ZNF658: variants seen among roughly 807,000 people sequenced by gnomAD.
ZNF658 encodes zinc finger protein 658.
A neutral mutation model predicts 78.0 loss-of-function variants in ZNF658; 46 were observed. The observed-to-expected ratio is 0.59, with a 90% confidence interval of 0.47 to 0.75. The LOEUF (loss-of-function observed/expected upper bound fraction) is 0.75, where lower values mean the gene tolerates loss of function less well. ZNF658 is among the 30% of genes least tolerant of loss of function. The pLI, the probability that ZNF658 is intolerant of heterozygous loss-of-function variation, is 0.00. For synonymous variants in ZNF658, 279 were observed against 408.4 expected (o/e 0.68, Z 3.82); for missense variants, 785 against 1,189.3 (o/e 0.66, Z 5.00).
rs1182852504 is a variant in ZNF658, at chr9:66,921,420, G to A, written c.*674G>A. 9.3e-5 allele frequency: 14 copies of A among 150,812 alleles called. 1 individual carries two copies. The South Asian group carries it at 2.7e-3, about 29-fold the overall frequency. 9.3% of individuals were successfully genotyped at this position (150,812 alleles called of 1,614,324 possible). ...CAATTATAATAAAATTTCATATTTT[G>A]AATAAATGACATTTTTCCTAGGTAT... On this transcript the variant is annotated 3_prime_UTR_variant, in exon 5 of 5. Transcript: ENST00000621410.
rs1338401185 is a variant in ZNF658 at position 66,918,107 on chromosome 9, A to G, written c.541A>G (p.Lys181Glu). ...EKLQLDIKHE[K>E]AHAEEKSYEH... ...ACTGCAGCTTGATATTAAGCATGAG[A>G]AAGCTCATGCTGAAGAGAAATCTTA... Residue 181 changes from lysine to glutamate, a missense_variant, in exon 5 of 5, where the codon AAA becomes GAA. Around this residue, in one of 12 missense-constraint regions of ZNF658, gnomAD observed 393 missense variants for 400.2 expected, o/e 0.98. Coordinates refer to ENST00000621410, the MANE Select transcript of ZNF658 (RefSeq NM_033160.7). 3.1e-6 allele frequency: 5 copies of G among 1,590,500 alleles called. No individual in the cohort carries two copies. Among genetic ancestry groups the G allele is most frequent in the Non-Finnish European group, 3.4e-6 (4 of 1,171,928 alleles).
chr9:66,908,441 T>A (rs1822133175), intron 3 of ZNF658, 77 bp downstream of exon 3: 1 of 1,598,660 alleles, frequency 6.3e-7, no homozygotes, highest in East Asian at 2.2e-5. Context: ...ATGGACCCTT[T>A]ATAGAGATTA....
downstream of ZNF658, among the ~76,000 whole-genome samples, chr9:66,924,066 A>G (rs4276729): frequency 0.98 from 140,731 of 144,002 alleles, 68,813 homozygotes; most frequent in Middle Eastern, 1. Flanking sequence ...CAGGAGAATC[A>G]CTTGAACCTG....
rs1458656911 is a variant in ZNF658 at position 66,915,193 on chromosome 9, C to T, written c.239-2612C>T. On this transcript the variant is annotated intron_variant, in intron 4 of 4. Transcript: ENST00000621410. Reference sequence around the variant, plus strand: ...TAAATTAGACATTCAGTTAACATATCCTCCATCATAATGAAGTAAGTTAAT... The same window carrying T: ...TAAATTAGACATTCAGTTAACATATTCTCCATCATAATGAAGTAAGTTAAT... Among the ~76,000 whole-genome samples, 13 of 152,084 alleles carry T rather than the reference C, an allele frequency of 8.5e-5. No homozygotes were observed. In the East Asian group the frequency reaches 2.1e-3, roughly 25 times the overall value.
rs552813533 is a variant in ZNF658 at position 66,917,728 on chromosome 9, A to T, written c.239-77A>T. ...ACCCTATTTCAAAAACCAAAACCAA[A>T]ATCAAAATATGAGTATAAGTTCTTC... On this transcript the variant is annotated intron_variant, in intron 4 of 4. Transcript: ENST00000621410. 3.1e-4 allele frequency: 450 copies of T among 1,465,838 alleles called. 1 individual carries two copies. In the East Asian group the frequency reaches 8.7e-3, roughly 28 times the overall value. The allele number at this position is 1,465,838 out of a possible 1,614,324, so 90.8% of individuals were successfully genotyped here.
Position 66,918,335 on chromosome 9 carries a change from T to G in ZNF658, c.769T>G (p.Leu257Val). Residue 257 changes from leucine (L) to valine (V), a missense_variant, in exon 5 of 5, where the codon TTA (leucine) becomes GTA (valine). Leu to Val is a conservative substitution (Grantham distance 32, BLOSUM62 1). Coordinates refer to ENST00000621410, the MANE Select transcript of ZNF658 (RefSeq NM_033160.7). Reference protein sequence around the residue: ...EFRKNFDKITLFNHMRTDTRG... With the variant: ...EFRKNFDKITVFNHMRTDTRG... ...TAGAAAAAACTTTGATAAAATCACT[T>G]TATTTAACCACATGAGAACTGACAC... 1 of 1,613,910 alleles carries G rather than the reference T, an allele frequency of 6.2e-7. No homozygotes were observed. Among genetic ancestry groups the G allele is most frequent in the Non-Finnish European group, 8.5e-7 (1 of 1,179,840 alleles).
At chr9:66,903,658 T>G (rs1027064579) in intron 2 of ZNF658, 82 bp downstream of exon 2, 1 of 1,125,322 alleles carries the variant, frequency 8.9e-7, no homozygotes, top group African/African-American at 1.6e-5. Context: ...CATGGAAAAG[T>G]AGAAATAGAG....
chr9:66,901,685 C>T, intron 1 of ZNF658, among the ~76,000 whole-genome samples: 1 of 152,250 alleles, frequency 6.6e-6, no homozygotes, highest in African/African-American at 2.4e-5. Context: ...TGGCTCATGC[C>T]TGTAATCCCA....
At chr9:66,901,246 C>A (rs1488817420) in intron 1 of ZNF658, among the ~76,000 whole-genome samples, 1 of 152,238 alleles carries the variant, frequency 6.6e-6, no homozygotes, top group Non-Finnish European at 1.5e-5. Flanking sequence ...ACAACGACCT[C>A]TTTGGTATAA....
Position 66,917,728 on chromosome 9 carries a change from A to G in ZNF658, c.239-77A>G, listed in dbSNP as rs552813533. 4.1e-6 allele frequency: 6 copies of G among 1,465,744 alleles called. No individual in the cohort carries two copies. The Admixed American group carries it at 1.0e-4, about 26-fold the overall frequency. The allele number at this position is 1,465,744 out of a possible 1,614,324, so 90.8% of individuals were successfully genotyped here. A position where few individuals can be genotyped will look rare whatever the true frequency, so the allele number is the denominator to read the frequency against. ...ACCCTATTTCAAAAACCAAAACCAAAATCAAAATATGAGTATAAGTTCTTC... is the reference window on the plus strand; with the variant it reads ...ACCCTATTTCAAAAACCAAAACCAAGATCAAAATATGAGTATAAGTTCTTC... On this transcript the variant is annotated intron_variant, in intron 4 of 4. Transcript: ENST00000621410.
chr9:66,930,367 A>G (rs1170373574), intron 6 of ZNF658, among the ~76,000 whole-genome samples: 1 of 143,920 alleles, frequency 6.9e-6, no homozygotes, highest in African/African-American at 2.5e-5. Flanking sequence ...AGTGACCTGC[A>G]TGTGTAGCAT....
At chr9:66,904,318 A>G (rs2117945525) in intron 2 of ZNF658, among the ~76,000 whole-genome samples, 1 of 152,122 alleles carries the variant, frequency 6.6e-6, no homozygotes, top group South Asian at 2.1e-4. Context: ...GCTTTTCCGC[A>G]GCACTTGCCT....
rs542349385 is a variant in ZNF658, at chr9:66,914,783, A to G, written c.239-3022A>G. Among the ~76,000 whole-genome samples, 53 of 152,146 alleles carry G rather than the reference A, an allele frequency of 3.5e-4. No individual in the cohort carries two copies. In the East Asian group the frequency reaches 0.01, roughly 29 times the overall value. ...CATTTTTGAGGTAAATTTCACTGAT[A>G]CATTATCTATGTTTATATATTTCAG... On this transcript the variant is annotated intron_variant, in intron 4 of 4. Transcript: ENST00000621410.
At chr9:66,913,363 T>A (rs1168248082) in intron 4 of ZNF658, among the ~76,000 whole-genome samples, 2 of 151,482 alleles carry the variant, frequency 1.3e-5, no homozygotes, top group East Asian at 1.9e-4. Flanking sequence ...AGGCAGAGGT[T>A]GCAGTGAGCC....
Position 66,918,242 on chromosome 9 carries a change from G to A in ZNF658, c.676G>A (p.Asp226Asn). 2 of 1,605,916 alleles carry A rather than the reference G, an allele frequency of 1.2e-6. No homozygotes were observed. Among genetic ancestry groups the A allele is most frequent in the South Asian group, 1.1e-5 (1 of 89,448 alleles). Residue 226 changes from aspartate (D) to asparagine (N), a missense_variant, in exon 5 of 5, where the codon GAT becomes AAT. Physicochemically the swap from Asp to Asn is conservative, Grantham distance 23. Coordinates refer to ENST00000621410, the MANE Select transcript of ZNF658 (RefSeq NM_033160.7). ...TGATGGATCTGGACAAGGTTTATAT[G>A]ATAAGACAATTTGTATTACACCTCA... ...ECDGSGQGLY[D>N]KTICITPQSF...
chr9:66,907,760 A>T (rs1291787666), intron 2 of ZNF658, among the ~76,000 whole-genome samples: 2 of 152,146 alleles, frequency 1.3e-5, no homozygotes, highest in Non-Finnish European at 2.9e-5. Flanking sequence ...CTGTGACCTC[A>T]GTGTAGGAAG....
downstream of ZNF658, among the ~76,000 whole-genome samples, chr9:66,922,964 G>T (rs1409778045): frequency 6.6e-6 from 1 of 151,724 alleles, no homozygotes; most frequent in Non-Finnish European, 1.5e-5. Context: ...GGTGTATTAG[G>T]GTTCTCTAGT....
rs1319804950 is a variant in ZNF658 at position 66,919,156 on chromosome 9, A to G, written c.1590A>G (p.Thr530=). Residue 530 remains threonine (T), a synonymous_variant, in exon 5 of 5, where the codon ACA becomes ACG. Coordinates refer to ENST00000621410, the MANE Select transcript of ZNF658 (RefSeq NM_033160.7). ...CIECGKTFSK[T]SHLRAHQRIH... ...AATGTGGGAAAACTTTCTCCAAGAC[A>G]TCACATCTCAGAGCACATCAGAGAA... 3 of 538,826 alleles carry G rather than the reference A, an allele frequency of 5.6e-6. No homozygotes were observed. Among genetic ancestry groups the G allele is most frequent in the Non-Finnish European group, 3.0e-6 (1 of 333,150 alleles). The allele number at this position is 538,826 out of a possible 1,614,324, so 33.4% of individuals were successfully genotyped here.
exon 7 of ZNF658, chr9:66,932,113 C>T (rs1233430960): frequency 1.2e-5 from 1 of 83,866 alleles, no homozygotes; most frequent in Non-Finnish European, 2.4e-5. Context: ...GTACAGTGCT[C>T]CATCTGCCAT....
Sources: gnomAD v4.1 joint callset for allele counts (sites outside exome capture counted in the v4.1 genomes callset) on GRCh38, gnomAD v4.1.1 for gene constraint, gnomAD v4.1.1 regional missense constraint, MANE v1.5 for transcripts, NCBI Gene and HGNC (gene_info 2026-07-23, HGNC 2026-07-21) for gene names.